Variants in ABTB2 observed in about 807,000 individuals in gnomAD.
ABTB2 encodes the protein ankyrin repeat and BTB domain containing 2.
ABTB2 carries 56 observed loss-of-function variants against 104.1 expected under a neutral mutation model. The observed-to-expected ratio is 0.54, with a 90% confidence interval of 0.43 to 0.67. The LOEUF (loss-of-function observed/expected upper bound fraction) is 0.67. Among genes scored for constraint, ABTB2 ranks in the 30% least tolerant of loss-of-function variants. The probability of loss-of-function intolerance (pLI) is 0.00; values close to 1 mark genes in which losing one functional copy is unlikely to be tolerated. For synonymous variants in ABTB2, 606 were observed against 608.2 expected, an observed-to-expected ratio of 1.00 and a Z score of 0.05; for missense variants, 1,279 against 1,407.7, an observed-to-expected ratio of 0.91 and a Z score of 1.46.
chr11:34,245,998 C>G (rs936581173), intron 1 of ABTB2, among the ~76,000 whole-genome samples: 20 of 152,342 alleles, frequency 1.3e-4, no homozygotes, highest in East Asian at 5.8e-4. Context: ...ATATCTGTCA[C>G]TCAGGGACTG....
intron 1 of ABTB2, among the ~76,000 whole-genome samples, chr11:34,324,047 A>C (rs1170741692): frequency 1.3e-5 from 2 of 149,680 alleles, no homozygotes; most frequent in Non-Finnish European, 2.9e-5. Context: ...AGTAGCTGGG[A>C]TTACAGGTGC....
At chr11:34,177,145 C>A (rs922065071) in intron 3 of ABTB2, among the ~76,000 whole-genome samples, 4 of 152,200 alleles carry the variant, frequency 2.6e-5, no homozygotes, top group Non-Finnish European at 5.9e-5. Flanking sequence ...CAAAGCACCA[C>A]GTGTGGCTAC....
chr11:34,170,862 A>C, intron 5 of ABTB2, 44 bp downstream of exon 5: 1 of 1,593,866 alleles, frequency 6.3e-7, no homozygotes, highest in East Asian at 2.2e-5. Context: ...AGAATTCCCA[A>C]CTCTGGTCCT....
intron 2 of ABTB2, among the ~76,000 whole-genome samples, chr11:34,201,904 T>G (rs1022274005): frequency 6.6e-6 from 1 of 152,170 alleles, no homozygotes; most frequent in Non-Finnish European, 1.5e-5. Context: ...AAAGATTTGG[T>G]GGGATAGACC....
At chr11:34,270,821 T>C (rs1424203803) in intron 1 of ABTB2, among the ~76,000 whole-genome samples, 1 of 152,220 alleles carries the variant, frequency 6.6e-6, no homozygotes, top group African/African-American at 2.4e-5. Context: ...TTTTAGATGA[T>C]AGCATATCGT....
intron 1 of ABTB2, among the ~76,000 whole-genome samples, chr11:34,347,390 C>T (rs1232585200): frequency 6.6e-6 from 1 of 152,014 alleles, no homozygotes; most frequent in African/African-American, 2.4e-5. Flanking sequence ...GAGCTGAGAT[C>T]GCAGCACTGC....
chr11:34,342,687 T>C (rs970169540), intron 1 of ABTB2, among the ~76,000 whole-genome samples: 10 of 152,194 alleles, frequency 6.6e-5, no homozygotes, highest in Admixed American at 1.3e-4. Context: ...GTGCTGGGTA[T>C]CAGAGTTGAG....
rs1485081668 is a variant in ABTB2, at chr11:34,152,179, C to T, written c.*208G>A. ...GGGGAGGAGGGCCACCAGTTAGCTACATCTCCCCTTTGCCCATCAGTGATT... is the reference window on the plus strand; with the variant it reads ...GGGGAGGAGGGCCACCAGTTAGCTATATCTCCCCTTTGCCCATCAGTGATT... On this transcript the variant is annotated 3_prime_UTR_variant, in exon 17 of 17. Coordinates refer to ENST00000435224, the MANE Select transcript of ABTB2 (RefSeq NM_145804.3). 1 of 601,222 alleles carries T rather than the reference C, an allele frequency of 1.7e-6. No individual in the cohort carries two copies. Among genetic ancestry groups the T allele is most frequent in the Non-Finnish European group, 2.9e-6 (1 of 344,506 alleles). 37.2% of individuals were successfully genotyped at this position (601,222 alleles called of 1,614,324 possible). A position where few individuals can be genotyped will look rare whatever the true frequency, so the allele number is the denominator to read the frequency against.
At chr11:34,157,648 A>G (rs1437455262) in intron 14 of ABTB2, among the ~76,000 whole-genome samples, 6 of 152,196 alleles carry the variant, frequency 3.9e-5, no homozygotes, top group Admixed American at 2.0e-4. Context: ...GGGGTGAGAA[A>G]AGAGGGAAGG....
intron 1 of ABTB2, among the ~76,000 whole-genome samples, chr11:34,327,433 T>C (rs1459958046): frequency 6.6e-6 from 1 of 152,160 alleles, no homozygotes; most frequent in African/African-American, 2.4e-5. Context: ...CCCTAGCCAC[T>C]TGAGGGCCCA....
At chr11:34,293,223 A>AG (rs928674836) in intron 1 of ABTB2, among the ~76,000 whole-genome samples, 5 of 151,976 alleles carry the variant, frequency 3.3e-5, no homozygotes, top group Non-Finnish European at 5.9e-5. Flanking sequence ...ACTGATGTCG[A>AG]GGGGGGGCCC....
intron 1 of ABTB2, among the ~76,000 whole-genome samples, chr11:34,319,941 T>C (rs1854981779): frequency 6.6e-6 from 1 of 152,158 alleles, no homozygotes. Flanking sequence ...GGGCTAGGAT[T>C]ACAGGTGTGA....
chr11:34,279,402 G>A (rs889379599), intron 1 of ABTB2, among the ~76,000 whole-genome samples: 1 of 152,082 alleles, frequency 6.6e-6, no homozygotes, highest in Non-Finnish European at 1.5e-5. Context: ...TGCCCGGTCT[G>A]TTCTTTACTT....
chr11:34,309,666 A>G (rs1012271532), intron 1 of ABTB2, among the ~76,000 whole-genome samples: 5 of 152,242 alleles, frequency 3.3e-5, no homozygotes, highest in African/African-American at 9.6e-5. Context: ...AGTTAAAAAA[A>G]AAAATTTTCA....
At chr11:34,184,100 C>T (rs757264210) in intron 3 of ABTB2, among the ~76,000 whole-genome samples, 3 of 149,716 alleles carry the variant, frequency 2.0e-5, no homozygotes, top group East Asian at 2.0e-4. Flanking sequence ...GTCTATGTTG[C>T]GCAGGCTTGA....
chr11:34,281,520 G>A (rs1183589536), intron 1 of ABTB2, among the ~76,000 whole-genome samples: 1 of 152,096 alleles, frequency 6.6e-6, no homozygotes, highest in Non-Finnish European at 1.5e-5. Flanking sequence ...CTTCACCAAC[G>A]CTGTGCCAAC....
intron 1 of ABTB2, among the ~76,000 whole-genome samples, chr11:34,214,068 G>A (rs1853519030): frequency 6.6e-6 from 1 of 151,374 alleles, no homozygotes; most frequent in Non-Finnish European, 1.5e-5. Flanking sequence ...GACCCGCAGT[G>A]GGTGAGCACA....
chr11:34,254,161 T>C (rs373496786), intron 1 of ABTB2, among the ~76,000 whole-genome samples: 5 of 152,290 alleles, frequency 3.3e-5, no homozygotes, highest in African/African-American at 1.2e-4. Flanking sequence ...AGGAAGGTAT[T>C]ATTACCCCCA....
At position 34,311,159 on chromosome 11, in the gene ABTB2, G is replaced by T. The variant is rs181378553; in HGVS notation, c.883+45542C>A. On this transcript the variant is annotated intron_variant, in intron 1 of 16. Coordinates refer to ENST00000435224, the MANE Select transcript of ABTB2 (RefSeq NM_145804.3). The stretch of plus-strand genomic sequence containing the variant: ...CTCCAGGATGCTGCATCTCGTTCCA[G>T]GGGACCCTGACAGACCTCATGCACA... 7.2e-5 allele frequency among the ~76,000 whole-genome samples: 11 copies of T among 152,282 alleles called. No individual in the cohort carries two copies. In the East Asian group the frequency reaches 1.9e-3, roughly 27 times the overall value.
Sources: allele counts gnomAD v4.1 joint callset (sites outside exome capture counted in the v4.1 genomes callset), GRCh38; gene constraint gnomAD v4.1.1; transcripts MANE v1.5; gene names NCBI Gene and HGNC (gene_info 2026-07-23, HGNC 2026-07-21).